TBC1D1: variants seen among roughly 807,000 people sequenced by gnomAD.
TBC1D1 encodes TBC1 domain family member 1.
In TBC1D1, 89 loss-of-function variants were observed where a neutral mutation model predicts 125.6. That is an observed-to-expected ratio of 0.71 (90% CI 0.60 to 0.85). TBC1D1 has a LOEUF of 0.85. Among genes scored for constraint, TBC1D1 ranks in the 40% least tolerant of loss-of-function variants. The probability of loss-of-function intolerance (pLI) is 0.00; values close to 1 mark genes in which losing one functional copy is unlikely to be tolerated. For missense variants in TBC1D1, 1,377 were observed against 1,469.2 expected (o/e 0.94, Z 1.03); for synonymous variants, 565 against 564.1 (o/e 1.00, Z -0.02).
At chr4:37,900,131 GAA>G (rs545252964) in intron 1 of TBC1D1, among the ~76,000 whole-genome samples, 7,748 of 118,642 alleles carry the variant, frequency 0.065, 389 homozygotes, top group African/African-American at 0.15. Context: ...AAAAAAAAAA[GAA>G]AAAAAAAAAA....
chr4:37,923,235 G>A (rs962580031), intron 2 of TBC1D1, among the ~76,000 whole-genome samples: 2 of 152,056 alleles, frequency 1.3e-5, no homozygotes, highest in Admixed American at 6.6e-5. Flanking sequence ...GTAGTTTGCT[G>A]AGCATGATGG....
intron 12 of TBC1D1, among the ~76,000 whole-genome samples, chr4:38,078,376 C>T (rs1262825802): frequency 3.9e-5 from 6 of 152,128 alleles, no homozygotes; most frequent in African/African-American, 9.7e-5. Flanking sequence ...CTCTGTAAAA[C>T]GTTAAATCAA....
At chr4:38,117,225 A>G (rs1407902190) in intron 16 of TBC1D1, among the ~76,000 whole-genome samples, 1 of 152,152 alleles carries the variant, frequency 6.6e-6, no homozygotes, top group Non-Finnish European at 1.5e-5. Context: ...TCTTTCTCTC[A>G]GTTTAGATAG....
chr4:38,123,724 A>G (rs1229088974), intron 17 of TBC1D1, among the ~76,000 whole-genome samples: 1 of 152,230 alleles, frequency 6.6e-6, no homozygotes, highest in Non-Finnish European at 1.5e-5. Context: ...CAGCGCTGGC[A>G]TGGCTTAGGG....
intron 8 of TBC1D1, among the ~76,000 whole-genome samples, chr4:38,039,906 G>C (rs1269158593): frequency 6.6e-6 from 1 of 151,892 alleles, no homozygotes; most frequent in African/African-American, 2.4e-5. Context: ...TTGAGGCCAG[G>C]AGTTTGAGAC....
intron 2 of TBC1D1, among the ~76,000 whole-genome samples, chr4:37,988,583 G>A (rs1266556093): frequency 6.6e-6 from 1 of 152,140 alleles, no homozygotes; most frequent in African/African-American, 2.4e-5. Context: ...TGAATTTAGG[G>A]GTGGAGGAAG....
intron 17 of TBC1D1, among the ~76,000 whole-genome samples, chr4:38,124,246 A>G (rs540221045): frequency 6.6e-6 from 1 of 152,104 alleles, no homozygotes; most frequent in Non-Finnish European, 1.5e-5. Flanking sequence ...CTTCAACTCT[A>G]TGAGGAAGGT....
chr4:38,078,714 T>C (rs948312496), intron 12 of TBC1D1, among the ~76,000 whole-genome samples: 18 of 152,206 alleles, frequency 1.2e-4, no homozygotes, highest in African/African-American at 3.6e-4. Flanking sequence ...GCCACCCTGA[T>C]CTTGGACTTC....
intron 6 of TBC1D1, among the ~76,000 whole-genome samples, chr4:38,027,276 G>A (rs1745249860): frequency 6.6e-6 from 1 of 152,172 alleles, no homozygotes; most frequent in South Asian, 2.1e-4. Context: ...ACAGTGTCTA[G>A]CACATCAGAG....
At chr4:38,032,927 C>T (rs1378609243) in intron 7 of TBC1D1, among the ~76,000 whole-genome samples, 3 of 151,674 alleles carry the variant, frequency 2.0e-5, no homozygotes, top group African/African-American at 7.3e-5. Context: ...AGGGAGGTGA[C>T]ACCTCACTAA....
chr4:37,910,992 A>C (rs1041608939), intron 2 of TBC1D1, among the ~76,000 whole-genome samples: 2 of 151,780 alleles, frequency 1.3e-5, no homozygotes, highest in African/African-American at 4.8e-5. Flanking sequence ...AAATGTGCCT[A>C]CTAGATAATT....
intron 2 of TBC1D1, among the ~76,000 whole-genome samples, chr4:38,005,937 C>T (rs1460928786): frequency 9.9e-5 from 15 of 152,164 alleles, no homozygotes; most frequent in South Asian, 8.3e-4. Flanking sequence ...ACATTAGACC[C>T]ATGTGTGAGG....
intron 2 of TBC1D1, among the ~76,000 whole-genome samples, chr4:37,982,049 G>A (rs1028014304): frequency 1.3e-5 from 2 of 152,164 alleles, no homozygotes; most frequent in African/African-American, 2.4e-5. Flanking sequence ...TGTTGAGTAC[G>A]AGTACAACTT....
intron 2 of TBC1D1, among the ~76,000 whole-genome samples, chr4:37,930,667 C>A (rs1055078761): frequency 6.6e-6 from 1 of 152,162 alleles, no homozygotes. Flanking sequence ...AGTTATTAAA[C>A]TTTTCCTTGA....
At chr4:38,116,018 A>T (rs1762931813) in intron 16 of TBC1D1, 64 bp downstream of exon 18, 1 of 1,564,206 alleles carries the variant, frequency 6.4e-7, no homozygotes, top group South Asian at 1.2e-5. Flanking sequence ...ATCCCTCTCC[A>T]GATGTGCCTC....
chr4:38,102,883 A>G (rs1760624742), intron 14 of TBC1D1, 116 bp from the exon 17 acceptor site: 4 of 980,086 alleles, frequency 4.1e-6, no homozygotes, highest in Non-Finnish European at 4.2e-6. Context: ...TCTGTCTCAA[A>G]AAAAAAAAAA....
chr4:38,046,323 G>A (rs1749462827), intron 10 of TBC1D1, among the ~76,000 whole-genome samples: 1 of 151,280 alleles, frequency 6.6e-6, no homozygotes, highest in Admixed American at 6.6e-5. Context: ...AGTGAGCCAA[G>A]ATCACGCCAC....
chr4:37,953,427 C>T (rs1728295204), intron 2 of TBC1D1, among the ~76,000 whole-genome samples: 1 of 152,176 alleles, frequency 6.6e-6, no homozygotes, highest in African/African-American at 2.4e-5. Context: ...AATCCTGCTC[C>T]TGTAGTTTTT....
chr4:37,976,252 A>G (rs1471163257), intron 2 of TBC1D1, among the ~76,000 whole-genome samples: 1 of 152,256 alleles, frequency 6.6e-6, no homozygotes, highest in African/African-American at 2.4e-5. Flanking sequence ...GTGAATGAGC[A>G]TGGAAGTGGA....
Sources: allele counts gnomAD v4.1 joint callset (sites outside exome capture counted in the v4.1 genomes callset), GRCh38; gene constraint gnomAD v4.1.1; transcripts MANE v1.5; gene names NCBI Gene and HGNC (gene_info 2026-07-23, HGNC 2026-07-21).